EPB41L4B: variants seen among roughly 807,000 people sequenced by gnomAD.
EPB41L4B encodes band 4.1-like protein 4B.
A neutral mutation model predicts 112.5 loss-of-function variants in EPB41L4B; 30 were observed. The observed-to-expected ratio is 0.27, with a 90% confidence interval of 0.20 to 0.36. The LOEUF (loss-of-function observed/expected upper bound fraction) is 0.36. EPB41L4B is among the 10% of genes least tolerant of loss of function. The probability of loss-of-function intolerance (pLI) is 1.00; values close to 1 mark genes in which losing one functional copy is unlikely to be tolerated. For missense variants in EPB41L4B, 1,024 were observed against 1,133.3 expected (o/e 0.90, Z 1.38); for synonymous variants, 408 against 439.7 (o/e 0.93, Z 0.90).
rs569393533 is a variant in EPB41L4B, at chr9:109,224,795, T to C, written c.1410-7650A>G. On this transcript the variant is annotated intron_variant, in intron 15 of 25. Coordinates refer to ENST00000374566, the MANE Select transcript of EPB41L4B (RefSeq NM_019114.5). ...ATAATCTATCTCTAAATCCAATGTG[T>C]GGCCAGGGCTGAGAACCATTGCTGT... 1.7e-4 allele frequency among the ~76,000 whole-genome samples: 26 copies of C among 152,326 alleles called. 1 individual carries two copies. Among genetic ancestry groups the C allele is most frequent in the African/African-American group, 6.0e-4 (25 of 41,574 alleles).
intron 2 of EPB41L4B, among the ~76,000 whole-genome samples, chr9:109,269,514 G>A (rs1217454576): frequency 6.6e-6 from 1 of 152,196 alleles, no homozygotes; most frequent in African/African-American, 2.4e-5. Flanking sequence ...ATCAGCTCCT[G>A]GAGGCCAGGG....
At chr9:109,284,036 A>C (rs537309593) in intron 1 of EPB41L4B, among the ~76,000 whole-genome samples, 1 of 152,256 alleles carries the variant, frequency 6.6e-6, no homozygotes, top group South Asian at 2.1e-4. Context: ...GGTTGCAATA[A>C]GCTGCATTGT....
intron 24 of EPB41L4B, among the ~76,000 whole-genome samples, chr9:109,178,635 T>A (rs1219921562): frequency 1.3e-5 from 2 of 151,958 alleles, no homozygotes; most frequent in Admixed American, 1.3e-4. Flanking sequence ...AGAGATGGGG[T>A]TTCACCATGT....
chr9:109,286,898 T>C (rs905642956), intron 1 of EPB41L4B, among the ~76,000 whole-genome samples: 5 of 152,204 alleles, frequency 3.3e-5, no homozygotes, highest in African/African-American at 1.2e-4. Flanking sequence ...TCCAGACTTG[T>C]ATGGTGAGCT....
intron 16 of EPB41L4B, among the ~76,000 whole-genome samples, chr9:109,215,656 A>T (rs996182869): frequency 9.9e-5 from 15 of 152,186 alleles, no homozygotes; most frequent in Admixed American, 9.8e-4. Flanking sequence ...TCCAGCCCTC[A>T]GTACTTTTCA....
intron 1 of EPB41L4B, among the ~76,000 whole-genome samples, chr9:109,295,257 A>G (rs1440668087): frequency 6.6e-6 from 1 of 152,196 alleles, no homozygotes; most frequent in Non-Finnish European, 1.5e-5. Context: ...CAGCAATGAA[A>G]GCTAAGTTCT....
At chr9:109,216,866 G>C in intron 16 of EPB41L4B, 56 bp downstream of exon 16, 1 of 1,528,774 alleles carries the variant, frequency 6.5e-7, no homozygotes, top group Non-Finnish European at 9.1e-7. Flanking sequence ...GGGAACTCTC[G>C]TGCCCTGCAG....
rs886583404 is a variant in EPB41L4B at position 109,173,892 on chromosome 9, A to C, written c.*662T>G. 6.6e-6 allele frequency: 1 copy of C among 152,300 alleles called. No individual in the cohort carries two copies. The highest frequency in any genetic ancestry group is 2.1e-4 in the South Asian group (1 of 4,828). 9.4% of individuals were successfully genotyped at this position (152,300 alleles called of 1,614,324 possible). On this transcript the variant is annotated 3_prime_UTR_variant, in exon 26 of 26. Coordinates refer to ENST00000374566, the MANE Select transcript of EPB41L4B (RefSeq NM_019114.5). ...CTTAACCTTGTAAGGATTTTTAGACAATGTAAGCTATCATTTCCTACTTTG... is the reference window on the plus strand; with the variant it reads ...CTTAACCTTGTAAGGATTTTTAGACCATGTAAGCTATCATTTCCTACTTTG...
At chr9:109,249,462 G>A (rs1007809300) in intron 13 of EPB41L4B, among the ~76,000 whole-genome samples, 14 of 148,554 alleles carry the variant, frequency 9.4e-5, no homozygotes, top group Admixed American at 7.4e-4. Context: ...TAGCTCATTT[G>A]TTCCTAAAGG....
chr9:109,204,304 T>C (rs1019566191), intron 18 of EPB41L4B, among the ~76,000 whole-genome samples: 17 of 151,852 alleles, frequency 1.1e-4, no homozygotes, highest in Admixed American at 9.2e-4. Flanking sequence ...TAGTGGTCAA[T>C]AGAACATGCA....
chr9:109,281,485 T>C (rs1836037800), intron 1 of EPB41L4B, among the ~76,000 whole-genome samples: 1 of 152,104 alleles, frequency 6.6e-6, no homozygotes, highest in South Asian at 2.1e-4. Context: ...GGCAGATCAC[T>C]TGAGATCAGG....
At position 109,252,046 on chromosome 9, in the gene EPB41L4B, A is replaced by G. The variant is rs150969471; in HGVS notation, c.1280-535T>C. 1.2e-3 allele frequency among the ~76,000 whole-genome samples: 178 copies of G among 152,314 alleles called. 2 individuals are homozygous for G. In the Middle Eastern group the frequency reaches 0.02, roughly 17 times the overall value. On this transcript the variant is annotated intron_variant, in intron 12 of 25. Coordinates refer to ENST00000374566, the MANE Select transcript of EPB41L4B (RefSeq NM_019114.5). ...GATGCTAGAACTCTGGCTGGAAAAA[A>G]GTCAGTGAAATAAGGGAGAGAAAAG...
chr9:109,220,844 C>T (rs1275208402), intron 15 of EPB41L4B, among the ~76,000 whole-genome samples: 1 of 152,118 alleles, frequency 6.6e-6, no homozygotes, highest in Non-Finnish European at 1.5e-5. Context: ...TTCTGGGAAA[C>T]ACCATCCCTC....
At chr9:109,176,133 T>C (rs1831830359) in intron 25 of EPB41L4B, among the ~76,000 whole-genome samples, 1 of 125,942 alleles carries the variant, frequency 7.9e-6, no homozygotes, top group African/African-American at 3.2e-5. Flanking sequence ...CTTGTAAACA[T>C]TTTTTTTTTT....
In EPB41L4B at chr9:109,256,378, G is replaced by A. The variant is rs369317949; in HGVS notation, c.840+15C>T. 1.4e-5 allele frequency: 23 copies of A among 1,611,920 alleles called. No individual in the cohort carries two copies. The highest frequency in any genetic ancestry group is 1.0e-4 in the Admixed American group (6 of 59,740). The stretch of plus-strand genomic sequence containing the variant: ...AACAGCAAAACCAAATTACTTAAAC[G>A]CACACAGTTCTTACCCTGACAACGT... On this transcript the variant is annotated intron_variant, in intron 8 of 25. Transcript: ENST00000374566.
chr9:109,252,150 A>T (rs2119011139), intron 12 of EPB41L4B, among the ~76,000 whole-genome samples: 1 of 152,318 alleles, frequency 6.6e-6, no homozygotes, highest in South Asian at 2.1e-4. Flanking sequence ...CAGGACGTCC[A>T]CTTCCCTCTG....
At chr9:109,183,223 A>G (rs1832131560) in intron 23 of EPB41L4B, among the ~76,000 whole-genome samples, 1 of 152,222 alleles carries the variant, frequency 6.6e-6, no homozygotes, top group Non-Finnish European at 1.5e-5. Flanking sequence ...CTGAGAGGTC[A>G]CATCCTGGGA....
chr9:109,243,686 G>GA lies in EPB41L4B; in HGVS notation c.1345-5dup. 1.2e-6 allele frequency: 2 copies of GA among 1,613,972 alleles called. No individual in the cohort carries two copies. Among genetic ancestry groups the GA allele is most frequent in the Non-Finnish European group, 1.7e-6 (2 of 1,179,818 alleles). On this transcript the variant is annotated splice_polypyrimidine_tract_variant and splice_region_variant and intron_variant, in intron 14 of 25. Coordinates refer to ENST00000374566, the MANE Select transcript of EPB41L4B (RefSeq NM_019114.5). ...GGATATTAGGATGATATTGAGGCTAGAAATAAAACACCAAACTTGATTATT... is the reference window on the plus strand; with the variant it reads ...GGATATTAGGATGATATTGAGGCTAGAAAATAAAACACCAAACTTGATTATT...
chr9:109,234,851 G>A (rs764452183), intron 15 of EPB41L4B, among the ~76,000 whole-genome samples: 3 of 152,140 alleles, frequency 2.0e-5, no homozygotes, highest in Non-Finnish European at 2.9e-5. Context: ...GAGACAGACC[G>A]TGTCTCAAAA....
Sources: gnomAD v4.1 joint callset for allele counts (sites outside exome capture counted in the v4.1 genomes callset) on GRCh38, gnomAD v4.1.1 for gene constraint, MANE v1.5 for transcripts, NCBI Gene and HGNC (gene_info 2026-07-23, HGNC 2026-07-21) for gene names.